The following CTPS1 variants were observed in gnomAD, a reference collection of about 807,000 sequenced individuals.
The protein encoded by CTPS1 is CTP synthase 1.
In CTPS1, 25 loss-of-function variants were observed where a neutral mutation model predicts 80.5. The observed-to-expected ratio is 0.31, with a 90% CI of 0.23 to 0.43. CTPS1 has a LOEUF of 0.43. Ranked by LOEUF, CTPS1 falls within the 20% of genes least tolerant of loss-of-function variation. CTPS1 has a pLI of 1.00. For synonymous variants in CTPS1, 267 were observed against 252.5 expected, an observed-to-expected ratio of 1.06 and a Z score of -0.54; for missense variants, 442 against 725.7, an observed-to-expected ratio of 0.61 and a Z score of 4.49.
chr1:41,009,653 T>G, intron 17 of CTPS1, 64 bp downstream of exon 17: 1 of 1,578,718 alleles, frequency 6.3e-7, no homozygotes, highest in Non-Finnish European at 8.6e-7. Flanking sequence ...GGTCGCTGAT[T>G]CATTACAGCA....
intron 6 of CTPS1, 55 bp downstream of exon 6, chr1:40,991,303 A>C: frequency 7.5e-7 from 1 of 1,340,480 alleles, no homozygotes; most frequent in Non-Finnish European, 1.0e-6. Flanking sequence ...AGTTAAGATC[A>C]CTCTATCATG....
At chr1:40,982,335 A>C (rs1164851312) in intron 1 of CTPS1, among the ~76,000 whole-genome samples, 2 of 151,746 alleles carry the variant, frequency 1.3e-5, no homozygotes, top group South Asian at 2.1e-4. Context: ...TCTTCATTGC[A>C]TGCCTGGGAG....
Position 41,001,087 on chromosome 1 carries a change from A to T in CTPS1, c.1064A>T (p.His355Leu). Residue 355 changes from histidine to leucine, a missense_variant, in exon 10 of 19, where the codon CAC becomes CTC. By Grantham distance (99) the His-to-Leu change is moderately conservative. Coordinates refer to ENST00000650070, the MANE Select transcript of CTPS1 (RefSeq NM_001905.4). ...ITSQEEPVRY[H>L]EAWQKLCSAH... The stretch of plus-strand genomic sequence containing the variant: ...TCGCAAGAAGAGCCCGTGCGCTACC[A>T]CGAAGCTTGGCAGAAGCTCTGTAGT... 6.2e-7 allele frequency: 1 copy of T among 1,612,536 alleles called. No individual in the cohort carries two copies. The highest frequency in any genetic ancestry group is 8.5e-7 in the Non-Finnish European group (1 of 1,179,516).
In CTPS1 at chr1:41,003,118, G is replaced by A. The variant is rs749962060; in HGVS notation, c.1194G>A (p.Val398=). The change falls in exon 12 of 19, where the codon GTG becomes GTA. Residue 398 remains valine (V), a synonymous_variant. Coordinates refer to ENST00000650070, the MANE Select transcript of CTPS1 (RefSeq NM_001905.4). ...ARNQKKPFLG[V]CLGMQLAVVE... ...TTTTTTCCCCCCGACTGGAAGGCGT[G>A]TGCTTAGGGATGCAGTTGGCAGTGG... 4 of 1,614,084 alleles carry A rather than the reference G, an allele frequency of 2.5e-6. No homozygotes were observed. The African/African-American group carries it at 4.0e-5, about 16-fold the overall frequency.
intron 5 of CTPS1, 29 bp from the exon 6 acceptor site, chr1:40,991,136 C>T: frequency 2.5e-6 from 3 of 1,207,766 alleles, no homozygotes; most frequent in Non-Finnish European, 3.4e-6. Context: ...GGGAAACTAA[C>T]TTTTTTTTTT....
chr1:41,006,611 C>G (rs1226303792), intron 13 of CTPS1, among the ~76,000 whole-genome samples: 2 of 152,224 alleles, frequency 1.3e-5, no homozygotes, highest in African/African-American at 4.8e-5. Context: ...ATGTGGCATT[C>G]TCAGCCCGCT....
chr1:40,991,041 G>A, intron 5 of CTPS1, 124 bp from the exon 6 acceptor site: 1 of 705,194 alleles, frequency 1.4e-6, no homozygotes, highest in Non-Finnish European at 2.4e-6. Context: ...AAACATAAAA[G>A]CTAAATTACA....
At chr1:40,995,663 T>C (rs1642733689) in intron 7 of CTPS1, among the ~76,000 whole-genome samples, 1 of 152,154 alleles carries the variant, frequency 6.6e-6, no homozygotes, top group Admixed American at 6.5e-5. Flanking sequence ...CCTCCCAAAG[T>C]ACTAGGATTA....
At chr1:40,982,492 C>T (rs562594282) in intron 1 of CTPS1, among the ~76,000 whole-genome samples, 245 of 152,120 alleles carry the variant, frequency 1.6e-3, no homozygotes, top group African/African-American at 5.8e-3. Flanking sequence ...TGGGTTCAAG[C>T]GATTCTCCTG....
chr1:41,002,815 C>T (rs1642935657), intron 11 of CTPS1, among the ~76,000 whole-genome samples: 2 of 152,074 alleles, frequency 1.3e-5, no homozygotes, highest in African/African-American at 4.8e-5. Flanking sequence ...CACTGCACTC[C>T]AGAGTGGGCA....
intron 12 of CTPS1, among the ~76,000 whole-genome samples, chr1:41,005,754 A>G (rs975466922): frequency 6.6e-6 from 1 of 152,086 alleles, no homozygotes; most frequent in Non-Finnish European, 1.5e-5. Context: ...ATGAAAAAAA[A>G]TTAGCTGGAT....
Position 41,008,846 on chromosome 1 carries a change from G to C in CTPS1, c.1502G>C (p.Gly501Ala). Residue 501 changes from glycine to alanine, a missense_variant, in exon 16 of 19, where the codon GGC becomes GCC. By Grantham distance (60) the Gly-to-Ala change is moderately conservative (BLOSUM62 0). This residue lies in a region of CTPS1 where 321 missense variants were observed against 467.2 expected (regional missense o/e 0.69). Coordinates refer to ENST00000650070, the MANE Select transcript of CTPS1 (RefSeq NM_001905.4). Reference protein sequence around the residue: ...CLEEQGLKFVGQDVEGERMEI... With the variant: ...CLEEQGLKFVAQDVEGERMEI... ...GAAGAACAAGGCTTGAAGTTTGTTG[G>C]CCAAGATGTTGAAGGAGAGAGAATG... 1 of 1,614,192 alleles carries C rather than the reference G, an allele frequency of 6.2e-7. No homozygotes were observed. Among genetic ancestry groups the C allele is most frequent in the Non-Finnish European group, 8.5e-7 (1 of 1,180,016 alleles).
Position 40,983,133 on chromosome 1 carries a change from C to T in CTPS1, c.-13-145C>T, listed in dbSNP as rs11209315. Reference sequence around the variant, plus strand: ...TTGTTTTGATCCTATTTAAACCTGACGAGAACCTTCTGAAGTCCTGTGACA... The same window carrying T: ...TTGTTTTGATCCTATTTAAACCTGATGAGAACCTTCTGAAGTCCTGTGACA... On this transcript the variant is annotated intron_variant, in intron 1 of 18. Coordinates refer to ENST00000650070, the MANE Select transcript of CTPS1 (RefSeq NM_001905.4). 1,564 of 619,692 alleles carry T rather than the reference C, an allele frequency of 2.5e-3. 21 individuals carry two copies. The African/African-American group carries it at 0.026, about 10-fold the overall frequency. The allele number at this position is 619,692 out of a possible 1,614,324, so 38.4% of individuals were successfully genotyped here. A position where few individuals can be genotyped will look rare whatever the true frequency, so the allele number is the denominator to read the frequency against.
chr1:40,985,020 A>G (rs1008571617), intron 3 of CTPS1, 29 bp downstream of exon 3: 11 of 1,497,994 alleles, frequency 7.3e-6, no homozygotes, highest in Non-Finnish European at 9.9e-6. Flanking sequence ...TTAAAGCTTA[A>G]AAGTCTTAAC....
intron 12 of CTPS1, among the ~76,000 whole-genome samples, chr1:41,005,568 G>A (rs1475222240): frequency 1.3e-5 from 2 of 152,104 alleles, no homozygotes; most frequent in Admixed American, 6.5e-5. Context: ...TATACTTAAC[G>A]TAAAAAAATT....
At chr1:40,995,711 T>TA (rs1345570834) in intron 7 of CTPS1, among the ~76,000 whole-genome samples, 4 of 152,238 alleles carry the variant, frequency 2.6e-5, no homozygotes, top group Non-Finnish European at 4.4e-5. Flanking sequence ...GAATTTTTTT[T>TA]AAAGGACTTT....
At chr1:40,989,978 A>G (rs565458236) in intron 5 of CTPS1, among the ~76,000 whole-genome samples, 47 of 152,334 alleles carry the variant, frequency 3.1e-4, no homozygotes, top group African/African-American at 1.1e-3. Context: ...CTAATGTCCA[A>G]ATAATAGGAG....
intron 7 of CTPS1, among the ~76,000 whole-genome samples, chr1:40,994,574 C>T (rs1029617898): frequency 1.3e-5 from 2 of 152,186 alleles, no homozygotes; most frequent in African/African-American, 4.8e-5. Flanking sequence ...TCTATTAGTA[C>T]TGATTGTTTA....
chr1:40,982,926 T>C (rs1642356422), intron 1 of CTPS1, among the ~76,000 whole-genome samples: 1 of 152,274 alleles, frequency 6.6e-6, no homozygotes, highest in Non-Finnish European at 1.5e-5. Flanking sequence ...TCCCAGTGTC[T>C]GGCAGTGATG....
Sources: allele counts gnomAD v4.1 joint callset (sites outside exome capture counted in the v4.1 genomes callset), GRCh38; gene constraint gnomAD v4.1.1; regional missense constraint gnomAD v4.1.1; transcripts MANE v1.5; gene names NCBI Gene and HGNC (gene_info 2026-07-23, HGNC 2026-07-21).